SGCG: variants seen among roughly 807,000 people sequenced by gnomAD.
The protein encoded by SGCG is gamma-sarcoglycan.
A neutral mutation model predicts 29.3 loss-of-function variants in SGCG; 26 were observed. That is an observed-to-expected ratio of 0.89 (90% confidence interval 0.65 to 1.23). The LOEUF is 1.23. SGCG is among the 50% of genes most tolerant of loss of function. The pLI, the probability that SGCG is intolerant of heterozygous loss-of-function variation, is 0.00. For synonymous variants in SGCG, 145 were observed against 129.7 expected (o/e 1.12, Z -0.80); for missense variants, 353 against 356.0 (o/e 0.99, Z 0.07).
At chr13:23,193,887 C>T (rs12877545) in intron 1 of SGCG, among the ~76,000 whole-genome samples, 35,576 of 151,480 alleles carry the variant, frequency 0.23, 4,338 homozygotes, top group Middle Eastern at 0.33. Flanking sequence ...CATTTAGAGG[C>T]CAGAGAAAAA....
At chr13:23,192,100 G>A (rs962317455) in intron 1 of SGCG, among the ~76,000 whole-genome samples, 21 of 151,502 alleles carry the variant, frequency 1.4e-4, no homozygotes, top group African/African-American at 4.6e-4. Flanking sequence ...ACGTGAACCC[G>A]GGAAGCGGAG....
chr13:23,160,659 G>A, the SGCG span, among the ~76,000 whole-genome samples: 1 of 152,154 alleles, frequency 6.6e-6, no homozygotes, highest in African/African-American at 2.4e-5. Context: ...AAAGAGAATA[G>A]CCACGGCCCG....
At chr13:23,252,488 A>G (rs983134312) in intron 4 of SGCG, among the ~76,000 whole-genome samples, 10 of 152,146 alleles carry the variant, frequency 6.6e-5, no homozygotes, top group South Asian at 2.1e-4. Context: ...TCAGGAGATC[A>G]AGACCATCCT....
chr13:23,297,270 C>A (rs35876654), intron 6 of SGCG, among the ~76,000 whole-genome samples: 1 of 150,466 alleles, frequency 6.6e-6, no homozygotes. Context: ...TCTTGTTTGC[C>A]GAGACCAGCT....
intron 6 of SGCG, among the ~76,000 whole-genome samples, chr13:23,319,223 A>T (rs1023343460): frequency 4.0e-5 from 6 of 151,570 alleles, no homozygotes; most frequent in African/African-American, 1.5e-4. Flanking sequence ...GCCTGAAGCC[A>T]GGAGGTTGTG....
chr13:23,178,905 C>T (rs147696839), upstream of SGCG, among the ~76,000 whole-genome samples: 172 of 152,172 alleles, frequency 1.1e-3, no homozygotes, highest in African/African-American at 2.8e-3. Context: ...GAAAGGTCAG[C>T]GCTAACTGAT....
intron 6 of SGCG, among the ~76,000 whole-genome samples, chr13:23,301,237 A>C (rs532151597): frequency 1.3e-5 from 2 of 152,366 alleles, no homozygotes; most frequent in South Asian, 4.1e-4. Flanking sequence ...TATAAATAAA[A>C]TGCTCAAATG....
chr13:23,241,148 CAAAA>C (rs150540516), intron 3 of SGCG, among the ~76,000 whole-genome samples: 18 of 95,616 alleles, frequency 1.9e-4, no homozygotes, highest in African/African-American at 6.8e-4. Flanking sequence ...GACTCCATCT[CAAAA>C]AAAAAAAAAA....
At chr13:23,309,327 G>T (rs1448980595) in intron 6 of SGCG, among the ~76,000 whole-genome samples, 1 of 152,020 alleles carries the variant, frequency 6.6e-6, no homozygotes, top group Admixed American at 6.6e-5. Context: ...GGGCTCAAAT[G>T]ATCCTTCTGC....
chr13:23,227,330 C>A lies in SGCG; in HGVS notation c.196-7281C>A, dbSNP rs58160439. Among the ~76,000 whole-genome samples the A allele has an allele frequency of 5.4e-3, 406 of 74,814 alleles. 2 individuals are homozygous for A. Among genetic ancestry groups the A allele is most frequent in the African/African-American group, 0.017 (260 of 15,706 alleles). 49.1% of individuals were successfully genotyped at this position (74,814 alleles called of 152,430 possible). On this transcript the variant is annotated intron_variant, in intron 2 of 7. Coordinates refer to ENST00000218867, the MANE Select transcript of SGCG (RefSeq NM_000231.3). Reference sequence around the variant, plus strand: ...TTAAGAATGGGAAAAAAAAAAAAAACAAAAACCTGGCAGTACCAAGTGCTG... The same window carrying A: ...TTAAGAATGGGAAAAAAAAAAAAAAAAAAAACCTGGCAGTACCAAGTGCTG...
At chr13:23,271,372 T>A (rs186376787) in intron 4 of SGCG, among the ~76,000 whole-genome samples, 1 of 152,324 alleles carries the variant, frequency 6.6e-6, no homozygotes, top group East Asian at 1.9e-4. Context: ...AATAATTGTC[T>A]TAGGCCCCAT....
Position 23,197,467 on chromosome 13 carries a change from A to G in SGCG, c.1-6228A>G, listed in dbSNP as rs145903673. 5.1e-3 allele frequency among the ~76,000 whole-genome samples: 772 copies of G among 152,294 alleles called. 5 individuals are homozygous for G. The highest frequency in any genetic ancestry group is 0.018 in the African/African-American group (745 of 41,550). On this transcript the variant is annotated intron_variant, in intron 1 of 7. Coordinates refer to ENST00000218867, the MANE Select transcript of SGCG (RefSeq NM_000231.3). ...TTCAGATTGACATCATAAGTGCTAT[A>G]AGAGGTTTGCTAAGCCCTCAGTCAG...
At position 23,234,682 on chromosome 13, in the gene SGCG, A is replaced by G. The variant is rs149595403; in HGVS notation, c.267A>G (p.Pro89=). Residue 89 remains proline (P), a synonymous_variant, in exon 3 of 8, where the codon CCA becomes CCG. Coordinates refer to ENST00000218867, the MANE Select transcript of SGCG (RefSeq NM_000231.3). ...AAGGGGAATCAGAATTTTTATTCCC[A>G]TTGTATGCCAAAGAAATACACTCCA... The part of the protein sequence containing the change: ...RLEGESEFLF[P]LYAKEIHSRV... 6.8e-5 allele frequency: 110 copies of G among 1,609,234 alleles called. No individual in the cohort carries two copies. Among genetic ancestry groups the G allele is most frequent in the Middle Eastern group, 3.3e-4 (2 of 6,080 alleles).
At chr13:23,211,251 G>A (rs929764595) in intron 2 of SGCG, among the ~76,000 whole-genome samples, 8 of 152,162 alleles carry the variant, frequency 5.3e-5, no homozygotes, top group Non-Finnish European at 8.8e-5. Flanking sequence ...CCGTGGGTAA[G>A]TAGATCCCTG....
intron 2 of SGCG, among the ~76,000 whole-genome samples, chr13:23,220,071 G>A (rs1449236273): frequency 1.3e-5 from 2 of 151,742 alleles, no homozygotes; most frequent in Non-Finnish European, 2.9e-5. Context: ...CGGATCTCCT[G>A]ACCTCGTGAT....
chr13:23,256,388 T>A (rs193084744), intron 4 of SGCG, among the ~76,000 whole-genome samples: 125 of 152,330 alleles, frequency 8.2e-4, no homozygotes, highest in African/African-American at 2.7e-3. Context: ...GAAAAACTTT[T>A]TTTTATATAC....
At chr13:23,293,500 C>A (rs1415100471) in intron 5 of SGCG, among the ~76,000 whole-genome samples, 3 of 152,034 alleles carry the variant, frequency 2.0e-5, no homozygotes, top group African/African-American at 7.2e-5. Flanking sequence ...GCTAATATAG[C>A]CAGTAATACT....
chr13:23,209,728 G>T (rs1056722590), intron 2 of SGCG, among the ~76,000 whole-genome samples: 3 of 152,150 alleles, frequency 2.0e-5, no homozygotes, highest in African/African-American at 4.8e-5. Flanking sequence ...TGATGTAAGG[G>T]TTCTGAGCAT....
intron 1 of SGCG, among the ~76,000 whole-genome samples, chr13:23,192,411 G>T (rs1877308614): frequency 6.6e-6 from 1 of 151,860 alleles, no homozygotes; most frequent in African/African-American, 2.4e-5. Flanking sequence ...TTGAGACGGA[G>T]TCTCAGAGTC....
Sources: gnomAD v4.1 joint callset for allele counts (sites outside exome capture counted in the v4.1 genomes callset) on GRCh38, gnomAD v4.1.1 for gene constraint, MANE v1.5 for transcripts, NCBI Gene and HGNC (gene_info 2026-07-23, HGNC 2026-07-21) for gene names.